Variants in PTPN11 observed in about 807,000 individuals in gnomAD.
PTPN11 encodes the protein protein tyrosine phosphatase non-receptor type 11, also known as tyrosine-protein phosphatase non-receptor type 11.
In PTPN11, 6 loss-of-function variants were observed where a neutral mutation model predicts 78.8. That is an observed-to-expected ratio of 0.08 (90% CI 0.04 to 0.15). The LOEUF is 0.15. Ranked by LOEUF, PTPN11 falls within the 10% of genes least tolerant of loss-of-function variation. PTPN11 has a pLI of 1.00. For missense variants in PTPN11, 386 were observed against 744.8 expected (o/e 0.52, Z 5.61); for synonymous variants, 221 against 263.5 (o/e 0.84, Z 1.56).
At chr12:112,488,079 C>T (rs562115664) in intron 11 of PTPN11, among the ~76,000 whole-genome samples, 5 of 152,222 alleles carry the variant, frequency 3.3e-5, no homozygotes, top group South Asian at 2.1e-4. Context: ...CCACTGCGCC[C>T]GGCCCTCTTT....
At chr12:112,478,483 T>A (rs945329734) in intron 9 of PTPN11, among the ~76,000 whole-genome samples, 1 of 152,114 alleles carries the variant, frequency 6.6e-6, no homozygotes, top group South Asian at 2.1e-4. Flanking sequence ...CTTGAAGTTG[T>A]CTCATAGCCC....
At chr12:112,449,677 T>G (rs1426417669) in intron 2 of PTPN11, among the ~76,000 whole-genome samples, 1 of 152,224 alleles carries the variant, frequency 6.6e-6, no homozygotes, top group Non-Finnish European at 1.5e-5. Context: ...ATGAATAAAG[T>G]GGCAATGAAT....
chr12:112,475,435 T>C (rs2038486005), intron 7 of PTPN11, among the ~76,000 whole-genome samples: 1 of 151,376 alleles, frequency 6.6e-6, no homozygotes, highest in Non-Finnish European at 1.5e-5. Context: ...TGATTGTATA[T>C]AGAGATGGGG....
At chr12:112,437,459 C>G (rs1253881535) in intron 1 of PTPN11, among the ~76,000 whole-genome samples, 1 of 152,182 alleles carries the variant, frequency 6.6e-6, no homozygotes, top group Non-Finnish European at 1.5e-5. Flanking sequence ...CCGTGCCCGG[C>G]CTAAAATTTA....
Position 112,489,233 on chromosome 12 carries a change from C to T in PTPN11, c.1599+58C>T, listed in dbSNP as rs183081741. ...ATTCTCTTGCTAGGCCTCTTGGATA[C>T]GCTCTCCTTTTGAGCAGGAGGACAG... On this transcript the variant is annotated intron_variant, in intron 13 of 15. Transcript: ENST00000351677. The T allele has an allele frequency of 4.2e-4, 666 of 1,593,844 alleles. 1 individual carries two copies. The highest frequency in any genetic ancestry group is 5.2e-4 in the Non-Finnish European group (602 of 1,162,070).
rs1005267419 is a variant in PTPN11 at position 112,419,250 on chromosome 12, C to T, written c.14+125C>T. 62 of 1,012,680 alleles carry T rather than the reference C, an allele frequency of 6.1e-5. No individual in the cohort carries two copies. The South Asian group carries it at 8.2e-4, about 13-fold the overall frequency. The allele number at this position is 1,012,680 out of a possible 1,614,324, so 62.7% of individuals were successfully genotyped here. On this transcript the variant is annotated intron_variant, in intron 1 of 15. Transcript: ENST00000351677. ...CCCGCCCCGGGTCGGGGTTGGGGGC[C>T]GGTTCCCTCCTCGTCCCCTCGCCCT...
chr12:112,437,424 G>T (rs1013991919), intron 1 of PTPN11, among the ~76,000 whole-genome samples: 8 of 152,074 alleles, frequency 5.3e-5, no homozygotes, highest in African/African-American at 1.9e-4. Flanking sequence ...GCCTCCCAAA[G>T]TGCTGGGATT....
intron 2 of PTPN11, among the ~76,000 whole-genome samples, chr12:112,447,947 A>G (rs1349768008): frequency 1.3e-5 from 2 of 151,592 alleles, no homozygotes; most frequent in African/African-American, 4.8e-5. Flanking sequence ...GATTACAGAC[A>G]TGTACCACCA....
chr12:112,425,903 A>AT (rs909415514), intron 1 of PTPN11, among the ~76,000 whole-genome samples: 2 of 151,746 alleles, frequency 1.3e-5, no homozygotes, highest in African/African-American at 2.4e-5. Flanking sequence ...TAATTTTTTG[A>AT]TTTTTTTATA....
rs2038970578 is a variant in PTPN11 at position 112,509,152 on chromosome 12, G to A, written c.*3360G>A. ...AAGCACATGGCCTCCCTGATGTCAG[G>A]ATGCCTTTGTTAGGATCTGTATTTG... is the stretch of plus-strand genomic sequence containing the variant. On this transcript the variant is annotated 3_prime_UTR_variant, in exon 16 of 16. Coordinates refer to ENST00000351677, the MANE Select transcript of PTPN11 (RefSeq NM_002834.5). 6.6e-6 allele frequency: 1 copy of A among 152,190 alleles called. No individual in the cohort carries two copies. The highest frequency in any genetic ancestry group is 1.9e-4 in the East Asian group (1 of 5,200). The allele number at this position is 152,190 out of a possible 1,614,324, so 9.4% of individuals were successfully genotyped here.
At chr12:112,480,982 T>C (rs894707716) in intron 9 of PTPN11, among the ~76,000 whole-genome samples, 4 of 152,172 alleles carry the variant, frequency 2.6e-5, no homozygotes, top group Non-Finnish European at 5.9e-5. Context: ...GCAAGAATGA[T>C]TTTCTTGGTG....
At chr12:112,480,308 C>T (rs2038576185) in intron 9 of PTPN11, among the ~76,000 whole-genome samples, 1 of 148,886 alleles carries the variant, frequency 6.7e-6, no homozygotes. Flanking sequence ...TTTGGATCTA[C>T]AAAATACCGG....
chr12:112,420,967 T>G (rs928078448), intron 1 of PTPN11, among the ~76,000 whole-genome samples: 4 of 152,166 alleles, frequency 2.6e-5, no homozygotes, highest in Admixed American at 2.0e-4. Flanking sequence ...ATCTGCTGCT[T>G]TAGGAGACAT....
chr12:112,454,698 C>G lies in PTPN11; in HGVS notation c.642+18C>G, dbSNP rs746100813. 1 of 1,562,226 alleles carries G rather than the reference C, an allele frequency of 6.4e-7. No homozygotes were observed. The highest frequency in any genetic ancestry group is 8.8e-7 in the Non-Finnish European group (1 of 1,132,910). On this transcript the variant is annotated intron_variant, in intron 5 of 15. Coordinates refer to ENST00000351677, the MANE Select transcript of PTPN11 (RefSeq NM_002834.5). ...TCAAGCAGGTGAGCAGATTGGAAAGCTCAAGCTTTCTCCTTAAAAACTTAA... is the reference window on the plus strand; with the variant it reads ...TCAAGCAGGTGAGCAGATTGGAAAGGTCAAGCTTTCTCCTTAAAAACTTAA...
rs1566162519 is a variant in PTPN11 at position 112,442,829 on chromosome 12, T to TA, written c.15-3447_15-3446insA. On this transcript the variant is annotated intron_variant, in intron 1 of 15. Coordinates refer to ENST00000351677, the MANE Select transcript of PTPN11 (RefSeq NM_002834.5). ...TCTCTCTCCTCTCTCTCTCTCTCTT[T>TA]TTATATATATATATATATATATATA... Among the ~76,000 whole-genome samples, 115 of 56,912 alleles carry TA rather than the reference T, an allele frequency of 2.0e-3. 1 individual carries two copies. The highest frequency in any genetic ancestry group is 8.4e-3 in the African/African-American group (105 of 12,524). 37.3% of individuals were successfully genotyped at this position (56,912 alleles called of 152,430 possible). A position where few individuals can be genotyped will look rare whatever the true frequency, so the allele number is the denominator to read the frequency against.
intron 4 of PTPN11, among the ~76,000 whole-genome samples, 175 bp from the exon 5 acceptor site, chr12:112,454,389 G>T (rs1021485187): frequency 4.6e-5 from 7 of 152,158 alleles, no homozygotes; most frequent in Non-Finnish European, 8.8e-5. Context: ...CAAAGTGCTG[G>T]AATTACTGGC....
In PTPN11 at chr12:112,504,368, G is replaced by T. The variant is rs2135930531; in HGVS notation, c.1713-327G>T. Among the ~76,000 whole-genome samples the T allele has an allele frequency of 6.6e-6, 1 of 152,328 alleles. No homozygotes were observed. The highest frequency in any genetic ancestry group is 2.4e-5 in the African/African-American group (1 of 41,580). Reference sequence around the variant, plus strand: ...GTGCCATGACACCCGGATAATTTTTGTATTTTTAGTAGAGACGGGGTTCAC... The same window carrying T: ...GTGCCATGACACCCGGATAATTTTTTTATTTTTAGTAGAGACGGGGTTCAC... On this transcript the variant is annotated intron_variant, in intron 14 of 15. Coordinates refer to ENST00000351677, the MANE Select transcript of PTPN11 (RefSeq NM_002834.5). The surrounding 1 kb of genome is among the most constrained non-coding windows in gnomAD (Gnocchi z 4.7).
chr12:112,457,240 C>T, intron 6 of PTPN11: 1 of 404,338 alleles, frequency 2.5e-6, no homozygotes, highest in Non-Finnish European at 4.9e-6. Context: ...GTGATGTTCC[C>T]CTCCCTGTGT....
At chr12:112,488,230 C>T (rs986761531) in intron 11 of PTPN11, among the ~76,000 whole-genome samples, 14 of 152,288 alleles carry the variant, frequency 9.2e-5, no homozygotes, top group Non-Finnish European at 1.9e-4. Context: ...ACCTCAGGCA[C>T]GTTGTACTGG....
Sources: allele counts gnomAD v4.1 joint callset (sites outside exome capture counted in the v4.1 genomes callset), GRCh38; gene constraint gnomAD v4.1.1; non-coding constraint Gnocchi (gnomAD v3.1); transcripts MANE v1.5; gene names NCBI Gene and HGNC (gene_info 2026-07-23, HGNC 2026-07-21).